Variants in NMBR observed in about 807,000 individuals in gnomAD.
The protein encoded by NMBR is neuromedin-B receptor.
In NMBR, 16 loss-of-function variants were observed where a neutral mutation model predicts 20.5. The observed-to-expected ratio is 0.78, with a 90% CI of 0.53 to 1.19. The LOEUF (loss-of-function observed/expected upper bound fraction) is 1.19, where lower values mean the gene tolerates loss of function less well. Among genes scored for constraint, NMBR ranks in the 50% most tolerant of loss-of-function variants. NMBR has a pLI of 0.00. For synonymous variants in NMBR, 212 were observed against 196.6 expected (o/e 1.08, Z -0.65); for missense variants, 582 against 499.1 (o/e 1.17, Z -1.58).
intron 1 of NMBR, among the ~76,000 whole-genome samples, chr6:142,137,546 G>A (rs1198266682): frequency 6.6e-6 from 1 of 152,142 alleles, no homozygotes; most frequent in Non-Finnish European, 1.5e-5. Context: ...AATAGGAGTG[G>A]TGAGAGAGGG....
At chr6:142,099,251 G>A (rs754128371) in intron 1 of NMBR, among the ~76,000 whole-genome samples, 6 of 152,086 alleles carry the variant, frequency 3.9e-5, no homozygotes, top group African/African-American at 1.2e-4. Context: ...TTGTGTATTC[G>A]TTCGTTTTCA....
At chr6:142,143,053 C>T (rs1778382088) in intron 1 of NMBR, among the ~76,000 whole-genome samples, 1 of 152,040 alleles carries the variant, frequency 6.6e-6, no homozygotes, top group Middle Eastern at 3.2e-3. Context: ...CCACTGCCCT[C>T]TAGCCTGGGG....
In NMBR at chr6:142,096,001, C is replaced by T. The variant is rs542990037; in HGVS notation, c.-663-6680G>A. 4.0e-5 allele frequency among the ~76,000 whole-genome samples: 6 copies of T among 151,622 alleles called. No homozygotes were observed. The East Asian group carries it at 1.2e-3, about 30-fold the overall frequency. ...TTTCTGTGGGGTTGGTGGTGATATC[C>T]CCTTTATCATTTTTTATTGCATCTA... is the stretch of plus-strand genomic sequence containing the variant. On this transcript the variant is annotated intron_variant, in intron 1 of 3. Transcript: ENST00000258042.
intron 1 of NMBR, among the ~76,000 whole-genome samples, chr6:142,098,120 A>C (rs1777495311): frequency 1.3e-5 from 2 of 152,098 alleles, no homozygotes; most frequent in African/African-American, 4.8e-5. Flanking sequence ...CAGAAGAAAA[A>C]ATACTTGAAG....
intron 1 of NMBR, among the ~76,000 whole-genome samples, chr6:142,103,149 CT>C (rs1327119534): frequency 6.6e-6 from 1 of 152,140 alleles, no homozygotes; most frequent in Admixed American, 6.6e-5. Flanking sequence ...GGCAGCCTTT[CT>C]CTGATACTCT....
rs1200055772 is a variant in NMBR, at chr6:142,092,058, A to T, written c.-663-2737T>A. On this transcript the variant is annotated intron_variant, in intron 1 of 3. Coordinates refer to ENST00000258042, the MANE Select transcript of NMBR (RefSeq NM_002511.4). ...TTTATAGGTTTTTCTTAAGATCATGACAAAGGCAAGTATACTCGCTATTAT... is the reference window on the plus strand; with the variant it reads ...TTTATAGGTTTTTCTTAAGATCATGTCAAAGGCAAGTATACTCGCTATTAT... Among the ~76,000 whole-genome samples, 3 of 152,256 alleles carry T rather than the reference A, an allele frequency of 2.0e-5. No homozygotes were observed. The East Asian group carries it at 5.8e-4, about 29-fold the overall frequency.
chr6:142,091,377 C>T, intron 1 of NMBR, among the ~76,000 whole-genome samples: 1 of 152,130 alleles, frequency 6.6e-6, no homozygotes, highest in Non-Finnish European at 1.5e-5. Context: ...GTGTGCCCCA[C>T]CATGCCTGGC....
rs201747486 is a variant in NMBR at position 142,078,850 on chromosome 6, C to T, written c.476G>A (p.Arg159Gln). 253 of 1,613,578 alleles carry T rather than the reference C, an allele frequency of 1.6e-4. 1 individual carries two copies. Among genetic ancestry groups the T allele is most frequent in the Middle Eastern group, 1.7e-4 (1 of 6,060 alleles). The change falls in exon 3 of 4, where the codon CGG becomes CAG. Residue 159 changes from arginine (R) to glutamine (Q), a missense_variant. Coordinates refer to ENST00000258042, the MANE Select transcript of NMBR (RefSeq NM_002511.4). ...GATACCCATGGCCTTCACACAGGTCCGCAGCAATGCCCCTGACGTCTGCAT... is the reference window on the plus strand; with the variant it reads ...GATACCCATGGCCTTCACACAGGTCTGCAGCAATGCCCCTGACGTCTGCAT... Reference protein sequence around the residue: ...MDMQTSGALLRTCVKAMGIWV... With the variant: ...MDMQTSGALLQTCVKAMGIWV...
chr6:142,104,416 G>A (rs1195825897), intron 1 of NMBR, among the ~76,000 whole-genome samples: 1 of 152,014 alleles, frequency 6.6e-6, no homozygotes, highest in South Asian at 2.1e-4. Flanking sequence ...TCAAAACATC[G>A]GCTTCTCTCG....
chr6:142,111,276 T>C (rs1213923736), intron 1 of NMBR, among the ~76,000 whole-genome samples: 1 of 151,552 alleles, frequency 6.6e-6, no homozygotes, highest in Non-Finnish European at 1.5e-5. Flanking sequence ...TCTTACACAC[T>C]GAAATCACTG....
intron 1 of NMBR, among the ~76,000 whole-genome samples, chr6:142,094,631 C>CG (rs899353937): frequency 1.4e-4 from 22 of 152,056 alleles, no homozygotes; most frequent in African/African-American, 5.3e-4. Flanking sequence ...CTTGGCTATG[C>CG]GGGCTCTTTT....
At chr6:142,141,050 G>A (rs934235509) in intron 1 of NMBR, among the ~76,000 whole-genome samples, 2 of 152,078 alleles carry the variant, frequency 1.3e-5, no homozygotes, top group African/African-American at 4.8e-5. Context: ...AGGATATAGA[G>A]GATTATAAAT....
intron 1 of NMBR, among the ~76,000 whole-genome samples, chr6:142,111,391 T>C (rs1007372586): frequency 3.9e-5 from 6 of 152,204 alleles, no homozygotes; most frequent in African/African-American, 1.4e-4. Context: ...TCATAATTTC[T>C]GATTTGTTGG....
intron 1 of NMBR, among the ~76,000 whole-genome samples, chr6:142,117,025 A>G (rs1049474093): frequency 6.6e-6 from 1 of 151,984 alleles, no homozygotes; most frequent in Non-Finnish European, 1.5e-5. Flanking sequence ...TCATGTCTTA[A>G]ATTGTTTCCA....
chr6:142,143,786 G>GAAA (rs34970004), intron 1 of NMBR, among the ~76,000 whole-genome samples: 2 of 145,076 alleles, frequency 1.4e-5, no homozygotes, highest in Non-Finnish European at 1.5e-5. Context: ...AAAAGCAAAG[G>GAAA]AAAAAAAAAA....
intron 1 of NMBR, among the ~76,000 whole-genome samples, chr6:142,109,756 T>A (rs1039765780): frequency 6.6e-6 from 1 of 152,110 alleles, no homozygotes; most frequent in African/African-American, 2.4e-5. Flanking sequence ...GGGTATTGTA[T>A]TAAGAGGTGG....
chr6:142,109,025 A>G (rs1305273849), intron 1 of NMBR, among the ~76,000 whole-genome samples: 1 of 152,082 alleles, frequency 6.6e-6, no homozygotes, highest in East Asian at 1.9e-4. Context: ...CAAGTCTGAA[A>G]TCTAATCATG....
intron 1 of NMBR, among the ~76,000 whole-genome samples, chr6:142,131,713 T>A (rs1307539366): frequency 6.6e-6 from 1 of 152,192 alleles, no homozygotes; most frequent in Non-Finnish European, 1.5e-5. Context: ...AAGAGAAAGA[T>A]TGGCATTATT....
In NMBR at chr6:142,075,814, T is replaced by C. The variant is rs753453294; in HGVS notation, c.1007A>G (p.Asn336Ser). The change falls in exon 4 of 4, where the codon AAC becomes AGC. Residue 336 changes from asparagine to serine, a missense_variant. Coordinates refer to ENST00000258042, the MANE Select transcript of NMBR (RefSeq NM_002511.4). ...LLSESFRRHFNSQLCCGRKSY... is the reference protein window; with the variant it reads ...LLSESFRRHFSSQLCCGRKSY... ...CTTCCTCCCACAGCAGAGTTGGCTG[T>C]TGAAATGCCTCCTGAAGCTTTCACT... 1 of 1,614,122 alleles carries C rather than the reference T, an allele frequency of 6.2e-7. No individual in the cohort carries two copies. Among genetic ancestry groups the C allele is most frequent in the South Asian group, 1.1e-5 (1 of 91,082 alleles).
Sources: gnomAD v4.1 joint callset for allele counts (sites outside exome capture counted in the v4.1 genomes callset) on GRCh38, gnomAD v4.1.1 for gene constraint, MANE v1.5 for transcripts, NCBI Gene and HGNC (gene_info 2026-07-23, HGNC 2026-07-21) for gene names.